RYK: variants seen among roughly 807,000 people sequenced by gnomAD.
RYK encodes the protein receptor like tyrosine kinase, also known as inactive tyrosine-protein kinase RYK.
In RYK, 21 loss-of-function variants were observed where a neutral mutation model predicts 70.2. The observed-to-expected ratio is 0.30, with a 90% confidence interval of 0.21 to 0.43. The LOEUF is 0.43. RYK is among the 20% of genes least tolerant of loss of function. The probability of loss-of-function intolerance (pLI) is 1.00; values close to 1 mark genes in which losing one functional copy is unlikely to be tolerated. For missense variants in RYK, 604 were observed against 753.3 expected (o/e 0.80, Z 2.32); for synonymous variants, 267 against 278.0 (o/e 0.96, Z 0.39).
At chr3:134,181,648 T>C (rs933196739) in intron 10 of RYK, 3 of 152,196 alleles carry the variant, frequency 2.0e-5, no homozygotes, top group African/African-American at 7.2e-5. Context: ...CAGAAGCCTA[T>C]AAACATCTTC....
intron 1 of RYK, among the ~76,000 whole-genome samples, chr3:134,229,576 A>C (rs1433311846): frequency 2.0e-5 from 3 of 152,160 alleles, no homozygotes; most frequent in East Asian, 1.9e-4. Context: ...TCTGTCCCTC[A>C]AAAAACATTA....
At chr3:134,241,641 G>C in intron 1 of RYK, among the ~76,000 whole-genome samples, 1 of 152,150 alleles carries the variant, frequency 6.6e-6, no homozygotes, top group East Asian at 1.9e-4. Context: ...GCTCAGGGTA[G>C]GTCAAGGAAT....
intron 7 of RYK, among the ~76,000 whole-genome samples, chr3:134,192,564 A>G (rs1055658205): frequency 3.3e-5 from 5 of 152,122 alleles, no homozygotes; most frequent in Non-Finnish European, 5.9e-5. Flanking sequence ...TTCAAATTTA[A>G]TAAGTTCCCT....
intron 2 of RYK, among the ~76,000 whole-genome samples, chr3:134,220,847 C>T (rs1256452617): frequency 1.3e-5 from 2 of 152,130 alleles, no homozygotes; most frequent in African/African-American, 2.4e-5. Flanking sequence ...CTGGATTTTG[C>T]CTATAAAATG....
At chr3:134,188,065 G>A (rs921241057) in intron 9 of RYK, among the ~76,000 whole-genome samples, 12 of 151,480 alleles carry the variant, frequency 7.9e-5, no homozygotes, top group African/African-American at 2.7e-4. Context: ...CATTTCAAAC[G>A]CTGGCCCAAA....
intron 1 of RYK, among the ~76,000 whole-genome samples, chr3:134,223,075 G>GT (rs1329688837): frequency 1.3e-5 from 2 of 152,182 alleles, no homozygotes. Flanking sequence ...TGCACCAGGT[G>GT]TTTTGCAGGC....
At chr3:134,190,328 C>T (rs747689375) in intron 8 of RYK, among the ~76,000 whole-genome samples, 2 of 152,156 alleles carry the variant, frequency 1.3e-5, no homozygotes, top group Non-Finnish European at 2.9e-5. Flanking sequence ...AACCTCCTGT[C>T]TCCTCTTCCC....
intron 5 of RYK, among the ~76,000 whole-genome samples, chr3:134,205,494 A>G (rs1254039154): frequency 6.6e-6 from 1 of 152,184 alleles, no homozygotes; most frequent in Non-Finnish European, 1.5e-5. Context: ...CTTGGGAGGG[A>G]CAGAAAAAAA....
chr3:134,195,635 C>T (rs1023602228), intron 6 of RYK, among the ~76,000 whole-genome samples: 1 of 152,154 alleles, frequency 6.6e-6, no homozygotes, highest in African/African-American at 2.4e-5. Flanking sequence ...TCAAATGTGC[C>T]AACATGCTCG....
At chr3:134,223,335 A>G (rs2014796162) in intron 1 of RYK, among the ~76,000 whole-genome samples, 1 of 152,194 alleles carries the variant, frequency 6.6e-6, no homozygotes, top group South Asian at 2.1e-4. Context: ...CAATTTTGTC[A>G]CACCCTTTTA....
intron 13 of RYK, among the ~76,000 whole-genome samples, chr3:134,167,974 A>AT (rs1224440794): frequency 6.6e-6 from 1 of 152,264 alleles, no homozygotes; most frequent in Non-Finnish European, 1.5e-5. Flanking sequence ...ATGAACAGAT[A>AT]CTTCTCAAAA....
intron 9 of RYK, among the ~76,000 whole-genome samples, chr3:134,186,176 ATTCAT>A (rs2013453645): frequency 6.6e-6 from 1 of 152,244 alleles, no homozygotes; most frequent in South Asian, 2.1e-4. Flanking sequence ...ATCCAAACTG[ATTCAT>A]TTATTTTATG....
chr3:134,182,918 G>A, intron 10 of RYK, 84 bp downstream of exon 10: 1 of 766,646 alleles, frequency 1.3e-6, no homozygotes, highest in South Asian at 2.8e-5. Context: ...CAATTCAGAA[G>A]TCATCACAAT....
intron 1 of RYK, among the ~76,000 whole-genome samples, chr3:134,249,857 A>G (rs1450145439): frequency 6.6e-6 from 1 of 150,686 alleles, no homozygotes; most frequent in Non-Finnish European, 1.5e-5. Flanking sequence ...TCTACGTCCC[A>G]AGAGTTGGAG....
chr3:134,198,074 G>A (rs1373166937), intron 6 of RYK, among the ~76,000 whole-genome samples: 1 of 152,162 alleles, frequency 6.6e-6, no homozygotes, highest in African/African-American at 2.4e-5. Flanking sequence ...ACCTACCCCT[G>A]ACATCCATTA....
At chr3:134,227,921 C>T (rs1054081959) in intron 1 of RYK, among the ~76,000 whole-genome samples, 3 of 152,190 alleles carry the variant, frequency 2.0e-5, no homozygotes, top group Admixed American at 2.0e-4. Flanking sequence ...GATCCGCCTG[C>T]CTCGGCCTCC....
chr3:134,173,860 G>A (rs945476501), intron 13 of RYK, among the ~76,000 whole-genome samples: 3 of 152,124 alleles, frequency 2.0e-5, no homozygotes, highest in Admixed American at 2.0e-4. Flanking sequence ...TTTTAAATTA[G>A]AATATCAGTT....
intron 1 of RYK, among the ~76,000 whole-genome samples, chr3:134,225,001 G>A (rs1336387113): frequency 6.6e-6 from 1 of 152,122 alleles, no homozygotes; most frequent in Non-Finnish European, 1.5e-5. Context: ...GGAACAGCTT[G>A]TGCCTTCAGT....
intron 13 of RYK, among the ~76,000 whole-genome samples, chr3:134,160,273 A>G (rs2012411961): frequency 1.3e-5 from 2 of 152,212 alleles, no homozygotes; most frequent in Admixed American, 6.5e-5. Flanking sequence ...TTTACAGGTG[A>G]GAAAACTGAG....
Sources: allele counts gnomAD v4.1 joint callset (sites outside exome capture counted in the v4.1 genomes callset), GRCh38; gene constraint gnomAD v4.1.1; transcripts MANE v1.5; gene names NCBI Gene and HGNC (gene_info 2026-07-23, HGNC 2026-07-21).